CEP72: variants seen among roughly 807,000 people sequenced by gnomAD.
The protein encoded by CEP72 is centrosomal protein 72.
A neutral mutation model predicts 65.7 loss-of-function variants in CEP72; 78 were observed. That is an observed-to-expected ratio of 1.19 (90% CI 0.99 to 1.43). The LOEUF is 1.43. Among genes scored for constraint, CEP72 ranks in the 40% most tolerant of loss-of-function variants. CEP72 has a pLI of 0.00. For missense variants in CEP72, 914 were observed against 832.9 expected, an observed-to-expected ratio of 1.10 and a Z score of -1.20; for synonymous variants, 358 against 351.7, an observed-to-expected ratio of 1.02 and a Z score of -0.20.
intron 9 of CEP72, chr5:642,577 TGA>T (rs1738129707): frequency 4.1e-6 from 4 of 985,390 alleles, no homozygotes; most frequent in Non-Finnish European, 4.8e-6. Flanking sequence ...CTGCCAGGGG[TGA>T]GAGTCACATG....
At chr5:663,723 C>G (rs1739778984) in intron 2 of CEP72, 1 of 152,508 alleles carries the variant, frequency 6.6e-6, no homozygotes, top group East Asian at 1.9e-4. Flanking sequence ...CTGCCCTGGC[C>G]AGAGCCTGAC....
intron 11 of CEP72, among the ~76,000 whole-genome samples, chr5:649,422 G>A (rs567828903): frequency 7.3e-4 from 98 of 135,150 alleles, no homozygotes; most frequent in Non-Finnish European, 1.2e-3. Flanking sequence ...ACTGTGAGGC[G>A]TGGACTGTGA....
At chr5:665,117 C>T (rs1208617448) in intron 2 of CEP72, 1 of 1,611,050 alleles carries the variant, frequency 6.2e-7, no homozygotes, top group Non-Finnish European at 8.5e-7. Context: ...TGCCCCCTTG[C>T]ACCTTCTGGT....
downstream of CEP72, chr5:657,056 A>G (rs1424417987): frequency 2.0e-5 from 3 of 152,218 alleles, no homozygotes; most frequent in Non-Finnish European, 4.4e-5. Flanking sequence ...GCTTTTGTTA[A>G]AAATAAACCT....
At chr5:620,624 A>G (rs1405843399) in intron 3 of CEP72, among the ~76,000 whole-genome samples, 1 of 152,176 alleles carries the variant, frequency 6.6e-6, no homozygotes, top group Non-Finnish European at 1.5e-5. Flanking sequence ...GTATCATCTC[A>G]GGTGCAGCTA....
At position 624,130 on chromosome 5, in the gene CEP72, C is replaced by T. The variant is rs1052380116; in HGVS notation, c.404-341C>T. On this transcript the variant is annotated intron_variant, in intron 3 of 11. Transcript: ENST00000264935. The surrounding 1 kb of genome is among the most constrained non-coding windows in gnomAD (Gnocchi z 4.7). ...CCTCTCGGGCCGGGCAGGCTCCCTC[C>T]GTGGAGGCTTCTCTGGGTTACCTGA... 3.3e-5 allele frequency among the ~76,000 whole-genome samples: 5 copies of T among 152,208 alleles called. No homozygotes were observed. Among genetic ancestry groups the T allele is most frequent in the Non-Finnish European group, 7.3e-5 (5 of 68,046 alleles).
intron 1 of CEP72, among the ~76,000 whole-genome samples, chr5:615,673 A>G (rs1266477000): frequency 6.6e-6 from 1 of 152,108 alleles, no homozygotes; most frequent in Non-Finnish European, 1.5e-5. Context: ...CATTTAATCT[A>G]ATTGTTAAAT....
At chr5:640,690 T>A in intron 9 of CEP72, 86 bp downstream of exon 9, 1 of 1,480,092 alleles carries the variant, frequency 6.8e-7, no homozygotes, top group Non-Finnish European at 8.9e-7. Flanking sequence ...AGCTCCTTGA[T>A]GCCACACTGT....
chr5:672,889 C>T, the CEP72 span, among the ~76,000 whole-genome samples: 2 of 152,238 alleles, frequency 1.3e-5, no homozygotes, highest in Admixed American at 6.5e-5. Context: ...AGATTTAACA[C>T]ATAGTAACAT....
chr5:649,117 T>TGTGGGCTGTGAGGC (rs1738702119), intron 11 of CEP72, among the ~76,000 whole-genome samples: 5 of 94,158 alleles, frequency 5.3e-5, no homozygotes, highest in East Asian at 8.7e-4. Context: ...GACTGTGAGG[T>TGTGGGCTGTGAGGC]GTGAATGTGA....
downstream of CEP72, chr5:660,189 T>C (rs1739525117): frequency 6.9e-6 from 1 of 145,266 alleles, no homozygotes; most frequent in Admixed American, 7.1e-5. Context: ...TCACACAGTG[T>C]AAAAATATAT....
At chr5:659,877 C>G (rs1294356102), downstream of CEP72, 1 of 152,390 alleles carries the variant, frequency 6.6e-6, no homozygotes, top group Non-Finnish European at 1.5e-5. Context: ...GTTTTAACAC[C>G]TTTATTTGTC....
chr5:639,247 C>T, intron 8 of CEP72, 23 bp downstream of exon 8: 5 of 1,547,488 alleles, frequency 3.2e-6, no homozygotes, highest in Non-Finnish European at 3.5e-6. Flanking sequence ...GGCCACTGCT[C>T]TTGCCCTGTA....
intron 9 of CEP72, chr5:642,873 G>A (rs891015534): frequency 1.0e-6 from 1 of 985,474 alleles, no homozygotes; most frequent in African/African-American, 1.7e-5. Flanking sequence ...ACGTGAGGAC[G>A]CTCATCCCTC....
In CEP72 at chr5:653,007, G is replaced by A; in HGVS notation, c.1798G>A (p.Glu600Lys). 1 of 1,612,532 alleles carries A rather than the reference G, an allele frequency of 6.2e-7. No homozygotes were observed. The highest frequency in any genetic ancestry group is 8.5e-7 in the Non-Finnish European group (1 of 1,179,370). ...CTGCAGCTCCCTGGTCAGCACCAAT[G>A]AACACCTGCTGCAGGAGCTGAGCCA... is the stretch of plus-strand genomic sequence containing the variant. ...ESHSSLVSTN[E>K]HLLQELSQVR... The change falls in exon 12 of 12, where the codon GAA (glutamate) becomes AAA (lysine). Residue 600 changes from glutamate (E) to lysine (K), a missense_variant. Coordinates refer to ENST00000264935, the MANE Select transcript of CEP72 (RefSeq NM_018140.4).
chr5:631,685 A>AC (rs1737198339), intron 4 of CEP72, among the ~76,000 whole-genome samples: 1 of 27,010 alleles, frequency 3.7e-5, no homozygotes. Flanking sequence ...CGGGATTTAG[A>AC]CCAGTCCTGG....
At chr5:675,118 G>C in the CEP72 span, among the ~76,000 whole-genome samples, 1 of 136,784 alleles carries the variant, frequency 7.3e-6, no homozygotes, top group Non-Finnish European at 1.6e-5. Context: ...CAGCACGGGG[G>C]GTACAGTGTG....
downstream of CEP72, chr5:660,228 T>A (rs67769313): frequency 1.1e-4 from 16 of 148,124 alleles, no homozygotes; most frequent in South Asian, 2.2e-4. Context: ...TATATATATA[T>A]AAATTTGTTT....
chr5:633,935 C>A lies in CEP72; in HGVS notation c.679C>A (p.Arg227Ser), dbSNP rs748524883. Residue 227 changes from arginine (R) to serine (S), a missense_variant, in exon 5 of 12, where the codon CGT (arginine) becomes AGT (serine). By Grantham distance (110) the Arg-to-Ser change is moderately radical. Coordinates refer to ENST00000264935, the MANE Select transcript of CEP72 (RefSeq NM_018140.4). Reference protein sequence around the residue: ...FSQKGREADSRGSQESRHLLS... With the variant: ...FSQKGREADSSGSQESRHLLS... ...CCAGAAGGGGCGTGAGGCCGACTCTCGTGGTTCCCAAGGTGCGCTGCTCAT... is the reference window on the plus strand; with the variant it reads ...CCAGAAGGGGCGTGAGGCCGACTCTAGTGGTTCCCAAGGTGCGCTGCTCAT... 1 of 1,611,936 alleles carries A rather than the reference C, an allele frequency of 6.2e-7. No individual in the cohort carries two copies. The highest frequency in any genetic ancestry group is 1.1e-5 in the South Asian group (1 of 91,074).
Sources: gnomAD v4.1 joint callset for allele counts (sites outside exome capture counted in the v4.1 genomes callset) on GRCh38, gnomAD v4.1.1 for gene constraint, Gnocchi (gnomAD v3.1) non-coding constraint, MANE v1.5 for transcripts, NCBI Gene and HGNC (gene_info 2026-07-23, HGNC 2026-07-21) for gene names.